SOX5: variants seen among roughly 807,000 people sequenced by gnomAD.
The protein encoded by SOX5 is SRY-box transcription factor 5.
A neutral mutation model predicts 92.0 loss-of-function variants in SOX5; 9 were observed. That is an observed-to-expected ratio of 0.10 (90% CI 0.06 to 0.17). The LOEUF (loss-of-function observed/expected upper bound fraction) is 0.17. SOX5 is among the 10% of genes least tolerant of loss of function. The probability of loss-of-function intolerance (pLI) is 1.00; values close to 1 mark genes in which losing one functional copy is unlikely to be tolerated. For missense variants in SOX5, 642 were observed against 944.5 expected (o/e 0.68, Z 4.20); for synonymous variants, 344 against 336.3 (o/e 1.02, Z -0.25).
intron 3 of SOX5, among the ~76,000 whole-genome samples, chr12:24,234,713 T>C (rs1964107301): frequency 6.6e-6 from 1 of 152,192 alleles, no homozygotes; most frequent in African/African-American, 2.4e-5. Flanking sequence ...CTTATAGTTA[T>C]GCTAAGAAAT....
chr12:23,978,510 C>G (rs1033766845), intron 4 of SOX5, among the ~76,000 whole-genome samples: 2 of 152,156 alleles, frequency 1.3e-5, no homozygotes, highest in African/African-American at 4.8e-5. Flanking sequence ...TGCTATATAT[C>G]GTTTTCTAAG....
chr12:24,113,344 T>C (rs1947600470), intron 4 of SOX5, among the ~76,000 whole-genome samples: 1 of 150,898 alleles, frequency 6.6e-6, no homozygotes, highest in South Asian at 2.1e-4. Context: ...TATTTTGAAA[T>C]GGTGAACAAC....
chr12:23,572,346 A>G (rs1948497661), intron 10 of SOX5, among the ~76,000 whole-genome samples: 1 of 152,162 alleles, frequency 6.6e-6, no homozygotes, highest in South Asian at 2.1e-4. Context: ...ATTACTCATT[A>G]AAGTTTCAGC....
At chr12:23,933,404 C>A (rs1226537038) in intron 1 of SOX5, among the ~76,000 whole-genome samples, 1 of 151,494 alleles carries the variant, frequency 6.6e-6, no homozygotes, top group East Asian at 1.9e-4. Context: ...ATAAGCGGGA[C>A]CTACTGATAT....
At chr12:24,460,165 C>T (rs1484673773) in intron 1 of SOX5, among the ~76,000 whole-genome samples, 2 of 152,036 alleles carry the variant, frequency 1.3e-5, no homozygotes, top group Non-Finnish European at 2.9e-5. Flanking sequence ...GTGGCAGCAA[C>T]GAAGCTTAAT....
At chr12:24,009,162 G>T (rs576301838) in intron 4 of SOX5, among the ~76,000 whole-genome samples, 1 of 152,184 alleles carries the variant, frequency 6.6e-6, no homozygotes, top group African/African-American at 2.4e-5. Context: ...GATGATTTCA[G>T]CCCTGCTGTG....
intron 4 of SOX5, among the ~76,000 whole-genome samples, chr12:24,041,783 A>AT (rs966141463): frequency 6.6e-6 from 1 of 152,140 alleles, no homozygotes; most frequent in South Asian, 2.1e-4. Context: ...ATTAGATAAC[A>AT]TTTTTTGTCC....
At chr12:24,520,552 A>G (rs1950181656) in intron 1 of SOX5, among the ~76,000 whole-genome samples, 1 of 152,176 alleles carries the variant, frequency 6.6e-6, no homozygotes, top group African/African-American at 2.4e-5. Flanking sequence ...TAAATAAAAA[A>G]GGAAGACAGC....
chr12:24,214,882 T>C (rs1318518782), intron 3 of SOX5, among the ~76,000 whole-genome samples: 2 of 152,024 alleles, frequency 1.3e-5, no homozygotes, highest in South Asian at 4.1e-4. Context: ...CATTTTAGAG[T>C]ACATAAAATG....
intron 3 of SOX5, among the ~76,000 whole-genome samples, chr12:24,255,530 C>T (rs1941004966): frequency 6.6e-6 from 1 of 152,104 alleles, no homozygotes; most frequent in South Asian, 2.1e-4. Context: ...AGATGCCTGA[C>T]AAACTAGAAA....
intron 4 of SOX5, among the ~76,000 whole-genome samples, chr12:24,143,706 A>G (rs1950796254): frequency 1.3e-5 from 2 of 152,244 alleles, no homozygotes; most frequent in South Asian, 4.1e-4. Flanking sequence ...AATGACTCAA[A>G]AAAATGAACA....
intron 3 of SOX5, among the ~76,000 whole-genome samples, chr12:23,842,055 A>G (rs567379862): frequency 2.0e-5 from 3 of 152,248 alleles, no homozygotes; most frequent in Admixed American, 1.3e-4. Flanking sequence ...AAATACATGA[A>G]ACAATTTCAC....
intron 7 of SOX5, among the ~76,000 whole-genome samples, chr12:23,645,604 C>A (rs1032557970): frequency 1.3e-5 from 2 of 152,270 alleles, no homozygotes; most frequent in South Asian, 4.1e-4. Context: ...TTTTGCATTA[C>A]TTGCATCTAA....
chr12:23,695,558 T>C (rs1276994791), intron 6 of SOX5, among the ~76,000 whole-genome samples: 2 of 152,186 alleles, frequency 1.3e-5, no homozygotes, highest in Non-Finnish European at 2.9e-5. Flanking sequence ...AATGATTCTA[T>C]TGATAATGAA....
intron 4 of SOX5, among the ~76,000 whole-genome samples, chr12:24,157,010 T>G (rs1356515061): frequency 6.6e-6 from 1 of 152,144 alleles, no homozygotes; most frequent in Non-Finnish European, 1.5e-5. Flanking sequence ...TTATTTCTGC[T>G]TAGCATTTAG....
intron 2 of SOX5, among the ~76,000 whole-genome samples, chr12:24,321,531 C>A (rs74070007): frequency 6.6e-6 from 1 of 151,970 alleles, no homozygotes; most frequent in African/African-American, 2.4e-5. Context: ...GGAAAATAAA[C>A]GTCTAGATAT....
chr12:24,146,958 T>G (rs1951154429), intron 4 of SOX5, among the ~76,000 whole-genome samples: 1 of 152,142 alleles, frequency 6.6e-6, no homozygotes, highest in Admixed American at 6.5e-5. Context: ...AATAGCTTCA[T>G]GTCTATTTTT....
At chr12:24,320,568 A>G (rs1163098584) in intron 2 of SOX5, among the ~76,000 whole-genome samples, 1 of 152,180 alleles carries the variant, frequency 6.6e-6, no homozygotes, top group African/African-American at 2.4e-5. Flanking sequence ...AGATGCTTAA[A>G]TAAGATCCAC....
chr12:24,542,281 C>T (rs1322297148), intron 1 of SOX5, among the ~76,000 whole-genome samples: 2 of 152,220 alleles, frequency 1.3e-5, no homozygotes, highest in Non-Finnish European at 2.9e-5. Flanking sequence ...TACTCACCCA[C>T]AACTTCTCCA....
Sources: allele counts gnomAD v4.1 joint callset (sites outside exome capture counted in the v4.1 genomes callset), GRCh38; gene constraint gnomAD v4.1.1; transcripts MANE v1.5; gene names NCBI Gene and HGNC (gene_info 2026-07-23, HGNC 2026-07-21).